The following PTPRE variants were observed in gnomAD, a reference collection of about 807,000 sequenced individuals.
PTPRE encodes the protein receptor-type tyrosine-protein phosphatase epsilon.
In PTPRE, 51 loss-of-function variants were observed where a neutral mutation model predicts 102.0. The ratio of observed to expected loss-of-function variants is 0.50; its 90% CI spans 0.40 to 0.63. The LOEUF is 0.63. PTPRE is among the 30% of genes least tolerant of loss of function. The pLI is 0.00. For missense variants in PTPRE, 752 were observed against 915.1 expected (o/e 0.82, Z 2.30); for synonymous variants, 345 against 348.2 (o/e 0.99, Z 0.10).
chr10:127,989,586 C>T (rs1021542227), intron 2 of PTPRE, among the ~76,000 whole-genome samples: 11 of 152,232 alleles, frequency 7.2e-5, no homozygotes, highest in Admixed American at 3.3e-4. Context: ...CGGACTGAAA[C>T]GCTGCTCCTC....
At chr10:127,908,287 C>T (rs919346421) in intron 1 of PTPRE, among the ~76,000 whole-genome samples, 36 of 152,050 alleles carry the variant, frequency 2.4e-4, no homozygotes, top group African/African-American at 8.5e-4. Flanking sequence ...TCACGTGATA[C>T]AGAAATTACT....
intron 20 of PTPRE, among the ~76,000 whole-genome samples, chr10:128,081,813 T>C (rs1386496385): frequency 6.6e-6 from 1 of 152,220 alleles, no homozygotes; most frequent in East Asian, 1.9e-4. Context: ...TTTCCTTCTC[T>C]GGAAAACTCA....
rs768239027 is a variant in PTPRE, at chr10:128,079,678, C to G, written c.2011C>G (p.His671Asp). 4.3e-6 allele frequency: 7 copies of G among 1,613,148 alleles called. No homozygotes were observed. Among genetic ancestry groups the G allele is most frequent in the Non-Finnish European group, 2.5e-6 (3 of 1,179,222 alleles). ...GAAGAGTTTACGACTTCAGAGACCA[C>G]ATATGGTGCAAACCCTGGTAAGAAT... ...AVKSLRLQRP[H>D]MVQTLEQYEF... The change falls in exon 20 of 21, where the codon CAT (histidine) becomes GAT (aspartate). Residue 671 changes from histidine (H) to aspartate (D), a missense_variant. By Grantham distance (81) the His-to-Asp change is moderately conservative. Coordinates refer to ENST00000254667, the MANE Select transcript of PTPRE (RefSeq NM_006504.6).
intron 2 of PTPRE, among the ~76,000 whole-genome samples, chr10:128,025,981 G>A (rs1846260532): frequency 6.6e-6 from 1 of 152,204 alleles, no homozygotes; most frequent in Non-Finnish European, 1.5e-5. Context: ...GGTACTTCCA[G>A]AAGTACAATC....
chr10:128,004,128 G>A (rs375632653), intron 2 of PTPRE, among the ~76,000 whole-genome samples: 4 of 151,692 alleles, frequency 2.6e-5, no homozygotes, highest in Admixed American at 6.6e-5. Context: ...AATGTGCTGC[G>A]TGCAACAAAT....
chr10:128,082,195 C>CTTTTTTTTTTTTT (rs35709074), intron 20 of PTPRE, among the ~76,000 whole-genome samples: 2 of 89,036 alleles, frequency 2.2e-5, no homozygotes, highest in Non-Finnish European at 4.3e-5. Flanking sequence ...TTTTCTCTTT[C>CTTTTTTTTTTTTT]TTTTTTTTTT....
intron 3 of PTPRE, among the ~76,000 whole-genome samples, chr10:128,045,813 C>T (rs1451192758): frequency 1.3e-5 from 2 of 152,244 alleles, no homozygotes; most frequent in Non-Finnish European, 2.9e-5. Context: ...CTCATCCTAG[C>T]ACCAACCGAA....
intron 1 of PTPRE, among the ~76,000 whole-genome samples, chr10:127,930,240 C>T (rs960485987): frequency 1.3e-5 from 2 of 151,906 alleles, no homozygotes; most frequent in Non-Finnish European, 2.9e-5. Flanking sequence ...TACCACCCTG[C>T]CCCCGAAAAA....
chr10:128,069,060 G>A (rs146516882), intron 12 of PTPRE: 20 of 152,706 alleles, frequency 1.3e-4, no homozygotes, highest in Non-Finnish European at 2.2e-4. Context: ...TGATGCAGGC[G>A]CTCTGCACCT....
intron 1 of PTPRE, among the ~76,000 whole-genome samples, chr10:127,924,248 C>T (rs1452814669): frequency 6.6e-6 from 1 of 152,154 alleles, no homozygotes; most frequent in Non-Finnish European, 1.5e-5. Flanking sequence ...TGTTTTGAAA[C>T]AGAGTCTCCC....
chr10:127,962,166 C>T (rs1177323208), intron 1 of PTPRE, among the ~76,000 whole-genome samples: 1 of 152,176 alleles, frequency 6.6e-6, no homozygotes, highest in Non-Finnish European at 1.5e-5. Flanking sequence ...GCCCATGGTG[C>T]TGGGTGCCAG....
intron 1 of PTPRE, among the ~76,000 whole-genome samples, chr10:127,981,558 C>A (rs1851618695): frequency 1.3e-5 from 2 of 152,122 alleles, no homozygotes; most frequent in Admixed American, 1.3e-4. Context: ...AGGCTCATGC[C>A]TGTAATCCCA....
intron 7 of PTPRE, among the ~76,000 whole-genome samples, chr10:128,058,347 G>A (rs1422937989): frequency 6.6e-6 from 1 of 152,254 alleles, no homozygotes; most frequent in Non-Finnish European, 1.5e-5. Context: ...TGCTGCTGGA[G>A]TCAGTTGGCA....
chr10:127,940,778 G>A (rs1848190630), intron 1 of PTPRE, among the ~76,000 whole-genome samples: 1 of 152,128 alleles, frequency 6.6e-6, no homozygotes, highest in South Asian at 2.1e-4. Flanking sequence ...CGAGTAGTAG[G>A]GATTACAGGC....
At chr10:127,993,271 A>C (rs879527181) in intron 2 of PTPRE, among the ~76,000 whole-genome samples, 1 of 152,262 alleles carries the variant, frequency 6.6e-6, no homozygotes, top group Non-Finnish European at 1.5e-5. Flanking sequence ...TGAAAAGTCA[A>C]GTTCGGAGAA....
chr10:128,017,560 C>T (rs1265034249), intron 2 of PTPRE, among the ~76,000 whole-genome samples: 1 of 152,082 alleles, frequency 6.6e-6, no homozygotes, highest in Non-Finnish European at 1.5e-5. Flanking sequence ...CCGACAACAT[C>T]CTGAAATGGA....
In PTPRE at chr10:128,070,217, C is replaced by T. The variant is rs147076199; in HGVS notation, c.1144-84C>T. 124 of 1,458,896 alleles carry T rather than the reference C, an allele frequency of 8.5e-5. No individual in the cohort carries two copies. In the African/African-American group the frequency reaches 1.2e-3, roughly 14 times the overall value. 90.4% of individuals were successfully genotyped at this position (1,458,896 alleles called of 1,614,324 possible). A position where few individuals can be genotyped will look rare whatever the true frequency, so the allele number is the denominator to read the frequency against. On this transcript the variant is annotated intron_variant, in intron 13 of 20. Transcript: ENST00000254667. The surrounding 1 kb of genome is among the most constrained non-coding windows in gnomAD (Gnocchi z 4.8). ...GGCAAAAAGAGAAAAAGAAGAAAGC[C>T]GCCCTCTTTGGTCTGCCAAGCTCCA...
chr10:127,947,559 A>G (rs1848714669), intron 1 of PTPRE, among the ~76,000 whole-genome samples: 1 of 152,230 alleles, frequency 6.6e-6, no homozygotes. Flanking sequence ...GTCTTTGGAC[A>G]AATTTTCACA....
Position 128,070,448 on chromosome 10 carries a change from AG to A in PTPRE, c.1293+1del. The A allele has an allele frequency of 6.2e-7, 1 of 1,613,060 alleles. No individual in the cohort carries two copies. The highest frequency in any genetic ancestry group is 8.5e-7 in the Non-Finnish European group (1 of 1,179,596). ...FDKIGLEEEF[R>X]KLTNVRIMKE... ...CAAGATCGGGCTGGAGGAGGAGTTCAGGGTGAGTACAGCTGACCCTCCTCTC... is the reference window on the plus strand; with the variant it reads ...CAAGATCGGGCTGGAGGAGGAGTTCAGGTGAGTACAGCTGACCCTCCTCTC... On this transcript the variant is annotated frameshift_variant and splice_region_variant, in exon 14 of 21. Coordinates refer to ENST00000254667, the MANE Select transcript of PTPRE (RefSeq NM_006504.6). LOFTEE classifies it high-confidence loss of function. The surrounding 1 kb of genome is among the most constrained non-coding windows in gnomAD (Gnocchi z 4.8).
Sources: gnomAD v4.1 joint callset for allele counts (sites outside exome capture counted in the v4.1 genomes callset) on GRCh38, gnomAD v4.1.1 for gene constraint, Gnocchi (gnomAD v3.1) non-coding constraint, MANE v1.5 for transcripts, NCBI Gene and HGNC (gene_info 2026-07-23, HGNC 2026-07-21) for gene names.